Variants in CCDC60 observed in about 807,000 individuals in gnomAD.
CCDC60 encodes coiled-coil domain-containing protein 60.
A neutral mutation model predicts 63.5 loss-of-function variants in CCDC60; 54 were observed. That is an observed-to-expected ratio of 0.85 (90% CI 0.68 to 1.07). CCDC60 has a LOEUF of 1.07. Ranked by LOEUF, CCDC60 falls within the 50% of genes least tolerant of loss-of-function variation. The probability of loss-of-function intolerance (pLI) is 0.00; values close to 1 mark genes in which losing one functional copy is unlikely to be tolerated. For missense variants in CCDC60, 651 were observed against 684.3 expected, an observed-to-expected ratio of 0.95 and a Z score of 0.54; for synonymous variants, 206 against 238.8, an observed-to-expected ratio of 0.86 and a Z score of 1.27.
At chr12:119,370,473 C>G (rs1955886309) in intron 1 of CCDC60, among the ~76,000 whole-genome samples, 1 of 152,158 alleles carries the variant, frequency 6.6e-6, no homozygotes, top group Non-Finnish European at 1.5e-5. Flanking sequence ...GGCAACAATC[C>G]CAAACACACA....
At chr12:119,348,080 A>ACTGTCGC (rs934737536) in intron 1 of CCDC60, among the ~76,000 whole-genome samples, 3 of 152,210 alleles carry the variant, frequency 2.0e-5, no homozygotes, top group African/African-American at 7.2e-5. Flanking sequence ...TTAGCACATG[A>ACTGTCGC]CTGTCGCCTG....
chr12:119,434,020 A>G (rs1470524907), intron 2 of CCDC60, among the ~76,000 whole-genome samples: 1 of 152,216 alleles, frequency 6.6e-6, no homozygotes, highest in Non-Finnish European at 1.5e-5. Flanking sequence ...TGAATGTTTT[A>G]AGGAAAATAA....
chr12:119,384,225 G>A (rs1487733383), intron 1 of CCDC60, among the ~76,000 whole-genome samples: 1 of 152,006 alleles, frequency 6.6e-6, no homozygotes, highest in South Asian at 2.1e-4. Context: ...GAGAGACAGA[G>A]CTAAGATATT....
chr12:119,391,072 T>G (rs1404448132), intron 1 of CCDC60, among the ~76,000 whole-genome samples: 2 of 152,216 alleles, frequency 1.3e-5, no homozygotes, highest in Non-Finnish European at 2.9e-5. Flanking sequence ...TGCATGACTT[T>G]ACTTTTTATA....
intron 5 of CCDC60, among the ~76,000 whole-genome samples, chr12:119,495,256 C>T (rs563658889): frequency 2.6e-5 from 4 of 152,280 alleles, no homozygotes; most frequent in African/African-American, 9.6e-5. Flanking sequence ...ATCCCAAAGT[C>T]TTTAATCAAC....
At chr12:119,353,104 T>C (rs944577872) in intron 1 of CCDC60, among the ~76,000 whole-genome samples, 1 of 151,898 alleles carries the variant, frequency 6.6e-6, no homozygotes, top group African/African-American at 2.4e-5. Flanking sequence ...ACTGTTCACC[T>C]CAGATGCAGC....
intron 1 of CCDC60, among the ~76,000 whole-genome samples, chr12:119,372,895 C>A (rs1016534665): frequency 1.3e-5 from 2 of 152,080 alleles, no homozygotes; most frequent in Non-Finnish European, 2.9e-5. Context: ...TCTAACAAGG[C>A]GTTTCAAAAG....
chr12:119,448,120 ATACTT>A (rs1444633774), intron 2 of CCDC60, among the ~76,000 whole-genome samples: 1 of 152,106 alleles, frequency 6.6e-6, no homozygotes, highest in East Asian at 1.9e-4. Context: ...TATAGTAACA[ATACTT>A]TACTGTATAC....
chr12:119,345,967 C>T (rs540283354), intron 1 of CCDC60, among the ~76,000 whole-genome samples: 10 of 151,490 alleles, frequency 6.6e-5, no homozygotes, highest in Admixed American at 6.6e-5. Flanking sequence ...AAGCACATGC[C>T]GCCATACCCA....
intron 1 of CCDC60, among the ~76,000 whole-genome samples, chr12:119,346,320 G>A (rs1955592363): frequency 1.3e-5 from 2 of 152,088 alleles, no homozygotes; most frequent in African/African-American, 2.4e-5. Flanking sequence ...TCAATCCAGT[G>A]TGGCAGGTGC....
intron 1 of CCDC60, among the ~76,000 whole-genome samples, chr12:119,341,604 T>A (rs1419901496): frequency 6.6e-6 from 1 of 152,186 alleles, no homozygotes; most frequent in Non-Finnish European, 1.5e-5. Context: ...CTCCACTAAG[T>A]GGTGACATGG....
chr12:119,479,376 G>A (rs1327347518), intron 4 of CCDC60, 175 bp downstream of exon 4: 2 of 580,636 alleles, frequency 3.4e-6, no homozygotes, highest in Non-Finnish European at 6.2e-6. Context: ...AGTAGACACA[G>A]TGGTTTACAG....
At chr12:119,525,534 A>G (rs1216619038) in intron 11 of CCDC60, among the ~76,000 whole-genome samples, 2 of 152,364 alleles carry the variant, frequency 1.3e-5, no homozygotes, top group South Asian at 4.1e-4. Flanking sequence ...AGAATTTCAT[A>G]TCCAGACAAA....
intron 2 of CCDC60, among the ~76,000 whole-genome samples, 163 bp from the exon 3 acceptor site, chr12:119,471,831 T>TC (rs1951065434): frequency 6.6e-6 from 1 of 151,376 alleles, no homozygotes; most frequent in Admixed American, 6.6e-5. Context: ...CCTCTCCCTC[T>TC]CTCACTCTCT....
At position 119,488,811 on chromosome 12, in the gene CCDC60, A is replaced by G; in HGVS notation, c.502A>G (p.Thr168Ala). ...CALHWLLEAL[T>A]IDHTHHTMKP... is the part of the protein sequence containing the mutation. Reference sequence around the variant, plus strand: ...TCTCCACTGGCTTCTGGAGGCCCTGACTATTGACCACACCCACCACACCAT... The same window carrying G: ...TCTCCACTGGCTTCTGGAGGCCCTGGCTATTGACCACACCCACCACACCAT... Residue 168 changes from threonine to alanine, a missense_variant, in exon 5 of 14, where the codon ACT becomes GCT. Physicochemically the swap from Thr to Ala is moderately conservative, Grantham distance 58 (BLOSUM62 0). Transcript: ENST00000327554. 1 of 1,614,062 alleles carries G rather than the reference A, an allele frequency of 6.2e-7. No homozygotes were observed. Among genetic ancestry groups the G allele is most frequent in the Non-Finnish European group, 8.5e-7 (1 of 1,179,998 alleles).
At chr12:119,359,870 G>A (rs545558004) in intron 1 of CCDC60, among the ~76,000 whole-genome samples, 2 of 151,844 alleles carry the variant, frequency 1.3e-5, no homozygotes, top group African/African-American at 4.8e-5. Flanking sequence ...AGATCAACAG[G>A]ATCCCAAGGC....
chr12:119,427,078 C>G (rs767214635), intron 1 of CCDC60, among the ~76,000 whole-genome samples: 2 of 152,140 alleles, frequency 1.3e-5, no homozygotes, highest in African/African-American at 2.4e-5. Context: ...TACCAACCAG[C>G]CTTTGTCAAA....
In CCDC60 at chr12:119,456,047, G is replaced by A. The variant is rs1950738660; in HGVS notation, c.171-15947G>A. ...AGAAAGAAAGAAAGAAAGAAAGAAAGAAAGAAAGAAAGAAAGCAAGCAAGC... is the reference window on the plus strand; with the variant it reads ...AGAAAGAAAGAAAGAAAGAAAGAAAAAAAGAAAGAAAGAAAGCAAGCAAGC... On this transcript the variant is annotated intron_variant, in intron 2 of 13. Transcript: ENST00000327554. The surrounding 1 kb of genome is among the most constrained non-coding windows in gnomAD (Gnocchi z 4.6). 6.8e-6 allele frequency among the ~76,000 whole-genome samples: 1 copy of A among 147,316 alleles called. No homozygotes were observed. The highest frequency in any genetic ancestry group is 6.8e-5 in the Admixed American group (1 of 14,790).
chr12:119,408,811 C>T (rs1008025949), intron 1 of CCDC60, among the ~76,000 whole-genome samples: 25 of 149,220 alleles, frequency 1.7e-4, no homozygotes, highest in African/African-American at 5.9e-4. Flanking sequence ...GGTGACAGAG[C>T]GAGACTCCGT....
Sources: allele counts gnomAD v4.1 joint callset (sites outside exome capture counted in the v4.1 genomes callset), GRCh38; gene constraint gnomAD v4.1.1; non-coding constraint Gnocchi (gnomAD v3.1); transcripts MANE v1.5; gene names NCBI Gene and HGNC (gene_info 2026-07-23, HGNC 2026-07-21).